Variants in FANCA observed in about 807,000 individuals in gnomAD.
FANCA encodes the protein FA complementation group A.
FANCA carries 236 observed loss-of-function variants against 194.3 expected under a neutral mutation model. The observed-to-expected ratio is 1.21, with a 90% CI of 1.09 to 1.35. The LOEUF is 1.35. Ranked by LOEUF, FANCA falls within the 40% of genes most tolerant of loss-of-function variation. The pLI, the probability that FANCA is intolerant of heterozygous loss-of-function variation, is 0.00. For synonymous variants in FANCA, 1,014 were observed against 715.8 expected, an observed-to-expected ratio of 1.42 and a Z score of -6.65; for missense variants, 2,628 against 1,813.9, an observed-to-expected ratio of 1.45 and a Z score of -8.15.
intron 22 of FANCA, among the ~76,000 whole-genome samples, chr16:89,772,272 T>G (rs2039352348): frequency 6.6e-6 from 1 of 152,230 alleles, no homozygotes; most frequent in African/African-American, 2.4e-5. Context: ...GCTTAAGCAC[T>G]GGAACTTTTC....
chr16:89,778,407 A>T (rs1277565528), intron 20 of FANCA: 1 of 356,656 alleles, frequency 2.8e-6, no homozygotes, highest in Non-Finnish European at 5.3e-6. Flanking sequence ...CAGAGCTTGC[A>T]GTGAGCCAAG....
At chr16:89,781,304 C>A (rs2039692891) in intron 17 of FANCA, among the ~76,000 whole-genome samples, 1 of 134,206 alleles carries the variant, frequency 7.5e-6, no homozygotes, top group Non-Finnish European at 1.5e-5. Flanking sequence ...GCGGAGCTTG[C>A]AGTGAGCTGA....
At chr16:89,764,830 G>A (rs1355012015) in intron 28 of FANCA, 60 bp downstream of exon 28, 1 of 1,581,612 alleles carries the variant, frequency 6.3e-7, no homozygotes, top group Non-Finnish European at 8.7e-7. Flanking sequence ...TGCCCGAGGA[G>A]CACACACAAA....
intron 3 of FANCA, among the ~76,000 whole-genome samples, chr16:89,812,436 C>A (rs1261404528): frequency 6.6e-6 from 1 of 150,960 alleles, no homozygotes; most frequent in African/African-American, 2.4e-5. Flanking sequence ...CACCTGAGGT[C>A]GGGAGTTTGA....
intron 37 of FANCA, 99 bp downstream of exon 37, chr16:89,742,701 T>G: frequency 7.7e-7 from 1 of 1,293,252 alleles, no homozygotes; most frequent in Non-Finnish European, 1.1e-6. Context: ...CACATATTTG[T>G]CTTTAGAAAA....
intron 7 of FANCA, among the ~76,000 whole-genome samples, chr16:89,804,342 GAA>G (rs1289057014): frequency 6.6e-6 from 1 of 152,138 alleles, no homozygotes; most frequent in Non-Finnish European, 1.5e-5. Flanking sequence ...ACTCACCAAG[GAA>G]AAGAGTCTCA....
At chr16:89,789,724 C>G (rs1567634098) in intron 14 of FANCA, among the ~76,000 whole-genome samples, 1 of 152,130 alleles carries the variant, frequency 6.6e-6, no homozygotes, top group African/African-American at 2.4e-5. Context: ...CAGGCATGAG[C>G]CACTGTACCT....
chr16:89,752,293 G>A (rs56125166), intron 30 of FANCA, 71 bp from the exon 31 acceptor site: 2 of 1,226,302 alleles, frequency 1.6e-6, no homozygotes, highest in East Asian at 2.3e-5. Flanking sequence ...TTCTCCTCCT[G>A]CCTCCGGAGC....
Position 89,783,016 on chromosome 16 carries a change from G to A in FANCA, c.1557C>T (p.Ala519=), listed in dbSNP as rs765079866. The A allele has an allele frequency of 8.1e-6, 13 of 1,613,940 alleles. No homozygotes were observed. Among genetic ancestry groups the A allele is most frequent in the Admixed American group, 1.7e-5 (1 of 59,992 alleles). Residue 519 remains alanine, a synonymous_variant, in exon 16 of 43, where the codon GCC becomes GCT. Transcript: ENST00000389301. The part of the protein sequence containing the change: ...DYISLAKTRL[A]DLKVSIENMG... ...TGGAGGGACAGCTTGCCTTGAGGTCGGCCAGCCGTGTCTTGGCCAATGAGA... is the reference window on the plus strand; with the variant it reads ...TGGAGGGACAGCTTGCCTTGAGGTCAGCCAGCCGTGTCTTGGCCAATGAGA...
rs1418377120 is a variant in FANCA at position 89,803,288 on chromosome 16, T to C, written c.763A>G (p.Arg255Gly). The C allele has an allele frequency of 1.2e-6, 2 of 1,614,194 alleles. No homozygotes were observed. Among genetic ancestry groups the C allele is most frequent in the Non-Finnish European group, 1.7e-6 (2 of 1,180,030 alleles). The change falls in exon 8 of 43, where the codon AGA becomes GGA. Residue 255 changes from arginine (R) to glycine (G), a missense_variant. Arg to Gly is a moderately radical substitution (Grantham distance 125). Transcript: ENST00000389301. ...GGCATTTTTTCAGGCTCCACAGTTC[T>C]TCTCAGATCTGAGTTTTTCTGAAAT... The part of the protein sequence containing the change: ...RGFQKNSDLR[R>G]TVEPEKMPQV...
At position 89,769,852 on chromosome 16, in the gene FANCA, A is replaced by T. The variant is rs772477788; in HGVS notation, c.2489T>A (p.Leu830Ter). The change falls in exon 26 of 43, where the codon TTG becomes TAG. Residue 830 changes from leucine (L) to a stop codon, truncating the protein, a stop_gained. Transcript: ENST00000389301. LOFTEE classifies it high-confidence loss of function. ...SLLTCRTRDS[L>*]FFCLKFCTAA... ...AAGAGCTCACTTCAGGCAGAAGAAC[A>T]AGGAATCCCTCGTCCTACAGGTCAG... The T allele has an allele frequency of 3.1e-6, 5 of 1,614,120 alleles. No individual in the cohort carries two copies. Among genetic ancestry groups the T allele is most frequent in the Non-Finnish European group, 4.2e-6 (5 of 1,180,020 alleles).
rs1294138687 is a variant in FANCA at position 89,808,526 on chromosome 16, T to C, written c.523-159A>G. On this transcript the variant is annotated intron_variant, in intron 5 of 42. Coordinates refer to ENST00000389301, the MANE Select transcript of FANCA (RefSeq NM_000135.4). ...GCAAAAACTTAGAGCCTGAAACACA[T>C]CTTTTTTTACAAAGCTGTACTGGTT... 3.9e-5 allele frequency among the ~76,000 whole-genome samples: 6 copies of C among 152,186 alleles called. No individual in the cohort carries two copies. The East Asian group carries it at 1.2e-3, about 29-fold the overall frequency.
At chr16:89,807,373 G>T (rs2040696423) in intron 6 of FANCA, among the ~76,000 whole-genome samples, 1 of 151,530 alleles carries the variant, frequency 6.6e-6, no homozygotes, top group African/African-American at 2.4e-5. Context: ...AGAATTGCTT[G>T]AATCCGGGAA....
chr16:89,738,339 G>C lies in FANCA; in HGVS notation c.*262C>G. The stretch of plus-strand genomic sequence containing the variant: ...CGTGTGCACCCGCATGGGAGGGTCG[G>C]AGGGTGCTGCCCGCCCTTGGTGCTG... On this transcript the variant is annotated 3_prime_UTR_variant, in exon 43 of 43. Coordinates refer to ENST00000389301, the MANE Select transcript of FANCA (RefSeq NM_000135.4). The C allele has an allele frequency of 2.0e-6, 3 of 1,496,870 alleles. No homozygotes were observed. The highest frequency in any genetic ancestry group is 2.6e-5 in the South Asian group (2 of 77,476). The allele number at this position is 1,496,870 out of a possible 1,614,324, so 92.7% of individuals were successfully genotyped here. A position where few individuals can be genotyped will look rare whatever the true frequency, so the allele number is the denominator to read the frequency against.
intron 27 of FANCA, among the ~76,000 whole-genome samples, chr16:89,766,835 T>G (rs17226750): frequency 0.016 from 2,456 of 152,340 alleles, 66 homozygotes; most frequent in African/African-American, 0.056. Context: ...TTAATTCATC[T>G]ATCCTATAAA....
At chr16:89,805,235 C>T in intron 7 of FANCA, 45 bp downstream of exon 7, 1 of 1,463,460 alleles carries the variant, frequency 6.8e-7, no homozygotes, top group East Asian at 2.3e-5. Flanking sequence ...TATCACAGAT[C>T]AAAATGAGTT....
rs373514516 is a variant in FANCA, at chr16:89,791,353, G to A, written c.1359+50C>T. ...GGGGACAGCATGGTCCCCACTCCCA[G>A]GCCTTCTGGGAAGATCAGGTATTAG... On this transcript the variant is annotated intron_variant, in intron 14 of 42. Transcript: ENST00000389301. The A allele has an allele frequency of 1.9e-6, 3 of 1,604,774 alleles. No homozygotes were observed. In the African/African-American group the frequency reaches 4.0e-5, roughly 21 times the overall value.
At chr16:89,809,213 C>T (rs113650446) in intron 5 of FANCA, among the ~76,000 whole-genome samples, 6,536 of 151,862 alleles carry the variant, frequency 0.043, 506 homozygotes, top group African/African-American at 0.15. Flanking sequence ...GCCCCTAACT[C>T]GCACTCTTCA....
Position 89,746,882 on chromosome 16 carries a change from GA to G in FANCA, c.3356del (p.Phe1119SerfsTer8). ...GTGTCAGGGCACCTCCGTGGGAGCAGAAGTTTCTCTGCAAAAGAGTTCAAGG... is the reference window on the plus strand; with the variant it reads ...GTGTCAGGGCACCTCCGTGGGAGCAGAGTTTCTCTGCAAAAGAGTTCAAGG... Reference protein sequence around the residue: ...FHLVNSEMRNFCSHGGALTQD... With the variant: ...FHLVNSEMRNXCSHGGALTQD... On this transcript the variant is annotated frameshift_variant, in exon 34 of 43. Transcript: ENST00000389301. LOFTEE classifies it high-confidence loss of function. 6.4e-7 allele frequency: 1 copy of G among 1,556,746 alleles called. No homozygotes were observed.
Sources: allele counts gnomAD v4.1 joint callset (sites outside exome capture counted in the v4.1 genomes callset), GRCh38; gene constraint gnomAD v4.1.1; transcripts MANE v1.5; gene names NCBI Gene and HGNC (gene_info 2026-07-23, HGNC 2026-07-21).